The following MTMR9 variants were observed in gnomAD, a reference collection of about 807,000 sequenced individuals.
MTMR9 encodes myotubularin-related protein 9.
MTMR9 carries 39 observed loss-of-function variants against 69.5 expected under a neutral mutation model. The ratio of observed to expected loss-of-function variants is 0.56; its 90% CI spans 0.43 to 0.73. The LOEUF (loss-of-function observed/expected upper bound fraction) is 0.73, where lower values mean the gene tolerates loss of function less well. Ranked by LOEUF, MTMR9 falls within the 30% of genes least tolerant of loss-of-function variation. The pLI is 0.00. For synonymous variants in MTMR9, 354 were observed against 240.8 expected, an observed-to-expected ratio of 1.47 and a Z score of -4.35; for missense variants, 900 against 671.2, an observed-to-expected ratio of 1.34 and a Z score of -3.77.
chr8:11,316,613 G>T (rs774867276), intron 7 of MTMR9, 60 bp from the exon 8 acceptor site: 190 of 1,133,740 alleles, frequency 1.7e-4, no homozygotes, highest in Non-Finnish European at 2.3e-4. Context: ...GGTGTCGGTA[G>T]AATGCTCTGT....
intron 6 of MTMR9, among the ~76,000 whole-genome samples, chr8:11,310,818 C>G (rs998029030): frequency 3.9e-5 from 5 of 127,644 alleles, no homozygotes; most frequent in African/African-American, 1.0e-4. Flanking sequence ...CCACATTTCT[C>G]AATTTTGCAG....
intron 3 of MTMR9, among the ~76,000 whole-genome samples, chr8:11,304,304 G>C (rs1344011496): frequency 1.3e-5 from 2 of 152,150 alleles, no homozygotes; most frequent in African/African-American, 4.8e-5. Flanking sequence ...ATAGATAGTA[G>C]CTGTGTTCTC....
the MTMR9 span, among the ~76,000 whole-genome samples, chr8:11,336,138 C>A: frequency 2.0e-5 from 3 of 152,188 alleles, no homozygotes; most frequent in African/African-American, 7.2e-5. Context: ...TGGCTGCTTC[C>A]AACCCTCAGA....
In MTMR9 at chr8:11,326,263, T is replaced by C. The variant is rs1202603198; in HGVS notation, c.*3475T>C. The C allele has an allele frequency of 6.7e-6, 1 of 149,306 alleles. No homozygotes were observed. Among genetic ancestry groups the C allele is most frequent in the Non-Finnish European group, 1.5e-5 (1 of 66,892 alleles). The allele number at this position is 149,306 out of a possible 1,614,324, so 9.2% of individuals were successfully genotyped here. ...AGTAGGTCATCAGGTTCACTTATTA[T>C]CCGACCTTAATCTGGGATAAAGGTT... On this transcript the variant is annotated 3_prime_UTR_variant, in exon 10 of 10. Coordinates refer to ENST00000221086, the MANE Select transcript of MTMR9 (RefSeq NM_015458.4).
downstream of MTMR9, chr8:11,331,926 G>A (rs1801249233): frequency 4.3e-6 from 7 of 1,612,002 alleles, no homozygotes; most frequent in Non-Finnish European, 5.9e-6. Context: ...GGGCTATGCG[G>A]TCACCAAGGC....
chr8:11,300,309 C>T, intron 3 of MTMR9, 161 bp downstream of exon 3: 1 of 663,552 alleles, frequency 1.5e-6, no homozygotes, highest in East Asian at 3.2e-5. Flanking sequence ...AGAGTATGAT[C>T]TCTGATCACA....
Position 11,327,937 on chromosome 8 carries a change from C to G in MTMR9, c.*5149C>G, listed in dbSNP as rs984411031. 6.6e-6 allele frequency: 1 copy of G among 152,120 alleles called. No homozygotes were observed. Among genetic ancestry groups the G allele is most frequent in the Non-Finnish European group, 1.5e-5 (1 of 68,010 alleles). The allele number at this position is 152,120 out of a possible 1,614,324, so 9.4% of individuals were successfully genotyped here. ...TGATAATTTCCCCTGTACCCTATAA[C>G]TGTAATCATTCACCTTGGGTTGGCC... On this transcript the variant is annotated 3_prime_UTR_variant, in exon 10 of 10. Coordinates refer to ENST00000221086, the MANE Select transcript of MTMR9 (RefSeq NM_015458.4).
At chr8:11,338,488 C>T in the MTMR9 span, among the ~76,000 whole-genome samples, 1 of 152,130 alleles carries the variant, frequency 6.6e-6, no homozygotes, top group Non-Finnish European at 1.5e-5. Flanking sequence ...TAGCAGAGGA[C>T]AGATGGCAAC....
chr8:11,290,506 T>TAC (rs2117354756), intron 1 of MTMR9, among the ~76,000 whole-genome samples: 1 of 152,082 alleles, frequency 6.6e-6, no homozygotes, highest in East Asian at 1.9e-4. Flanking sequence ...TGGCTTGTCT[T>TAC]AAGAACTCCT....
At chr8:11,332,191 A>G, downstream of MTMR9, 1 of 1,535,992 alleles carries the variant, frequency 6.5e-7, no homozygotes, top group Non-Finnish European at 8.7e-7. Context: ...GAAGACAAAA[A>G]AAAAATAAAA....
chr8:11,308,655 C>T (rs898856468), intron 5 of MTMR9, among the ~76,000 whole-genome samples: 1 of 152,188 alleles, frequency 6.6e-6, no homozygotes, highest in Non-Finnish European at 1.5e-5. Flanking sequence ...ACAGTAGTCT[C>T]TTATGATCCC....
intron 6 of MTMR9, among the ~76,000 whole-genome samples, chr8:11,314,336 C>T (rs2117438204): frequency 6.6e-6 from 1 of 152,254 alleles, no homozygotes; most frequent in African/African-American, 2.4e-5. Flanking sequence ...TCTCATGATG[C>T]AGTGGTATCT....
downstream of MTMR9, chr8:11,331,144 C>G (rs1335118134): frequency 3.1e-6 from 5 of 1,610,420 alleles, no homozygotes; most frequent in Non-Finnish European, 4.2e-6. Flanking sequence ...CTGCCTGACT[C>G]CACACACCCA....
chr8:11,329,979 A>G (rs1263957022), downstream of MTMR9, among the ~76,000 whole-genome samples: 8 of 146,630 alleles, frequency 5.5e-5, no homozygotes, highest in East Asian at 1.5e-3. Flanking sequence ...CTGTCTGAGA[A>G]GTGAGGAGCC....
intron 1 of MTMR9, among the ~76,000 whole-genome samples, chr8:11,288,517 T>C (rs1326586722): frequency 6.6e-6 from 1 of 151,474 alleles, no homozygotes; most frequent in Non-Finnish European, 1.5e-5. Flanking sequence ...GCTAGAACTG[T>C]GAGTGTCTGG....
chr8:11,309,062 A>G (rs1355751295), intron 5 of MTMR9, among the ~76,000 whole-genome samples: 1 of 152,168 alleles, frequency 6.6e-6, no homozygotes, highest in Non-Finnish European at 1.5e-5. Context: ...TCTTGTTTGT[A>G]CTGTAAAAGA....
chr8:11,285,129 G>C (rs538623565), intron 1 of MTMR9, 59 bp downstream of exon 1: 4 of 1,447,898 alleles, frequency 2.8e-6, no homozygotes, highest in Non-Finnish European at 3.7e-6. Flanking sequence ...TGGGCGCCCC[G>C]GGAAATACTT....
At chr8:11,320,876 G>C (rs1019786998) in intron 9 of MTMR9, 1 of 152,338 alleles carries the variant, frequency 6.6e-6, no homozygotes, top group African/African-American at 2.4e-5. Context: ...ATGTTTAATA[G>C]CATAAAGTAT....
chr8:11,331,542 A>T (rs1585150283), downstream of MTMR9: 1 of 1,609,924 alleles, frequency 6.2e-7, no homozygotes, highest in African/African-American at 1.4e-5. Flanking sequence ...CGCTGTCCTC[A>T]CCCTCTGCCT....
Sources: gnomAD v4.1 joint callset for allele counts (sites outside exome capture counted in the v4.1 genomes callset) on GRCh38, gnomAD v4.1.1 for gene constraint, MANE v1.5 for transcripts, NCBI Gene and HGNC (gene_info 2026-07-23, HGNC 2026-07-21) for gene names.